The following TTC23L variants were observed in gnomAD, a reference collection of about 807,000 sequenced individuals.
TTC23L encodes tetratricopeptide repeat protein 23-like.
Under a neutral mutation model 48.1 loss-of-function variants are expected in TTC23L, and 42 were observed. That is an observed-to-expected ratio of 0.87 (90% confidence interval 0.68 to 1.13). TTC23L has a LOEUF of 1.13. Among genes scored for constraint, TTC23L ranks in the 50% most tolerant of loss-of-function variants. The pLI is 0.00. For synonymous variants in TTC23L, 159 were observed against 157.2 expected, an observed-to-expected ratio of 1.01 and a Z score of -0.09; for missense variants, 391 against 421.0, an observed-to-expected ratio of 0.93 and a Z score of 0.62.
intron 8 of TTC23L, among the ~76,000 whole-genome samples, chr5:34,871,956 A>G (rs1761496508): frequency 6.6e-6 from 1 of 152,208 alleles, no homozygotes; most frequent in Admixed American, 6.5e-5. Context: ...CATTGTCCTA[A>G]CTGTAAGAGC....
At chr5:34,900,572 T>G (rs571403820), downstream of TTC23L, among the ~76,000 whole-genome samples, 5 of 152,286 alleles carry the variant, frequency 3.3e-5, no homozygotes, top group African/African-American at 1.2e-4. Flanking sequence ...AAGTTTACAT[T>G]GTCTGTTTAC....
intron 3 of TTC23L, 68 bp downstream of exon 3, chr5:34,845,741 C>A: frequency 1.4e-6 from 2 of 1,433,368 alleles, no homozygotes; most frequent in Non-Finnish European, 1.9e-6. Flanking sequence ...AGAAGCTTTG[C>A]CTTCGATGCA....
chr5:34,860,211 G>A (rs982389628), intron 4 of TTC23L, among the ~76,000 whole-genome samples: 1 of 151,938 alleles, frequency 6.6e-6, no homozygotes, highest in Admixed American at 6.6e-5. Flanking sequence ...TAACCATCCT[G>A]TATCCACCCA....
chr5:34,845,837 C>T lies in TTC23L; in HGVS notation c.255+164C>T, dbSNP rs1405549115. 34 of 678,810 alleles carry T rather than the reference C, an allele frequency of 5.0e-5. 1 individual carries two copies. In the East Asian group the frequency reaches 9.5e-4, roughly 19 times the overall value. The allele number at this position is 678,810 out of a possible 1,614,324, so 42.0% of individuals were successfully genotyped here. On this transcript the variant is annotated intron_variant, in intron 3 of 10. Transcript: ENST00000505624. ...GCAGAGCCTACTTAGGTAGCCAGCCCACCTTCTGGTTCCATGCATGGTTCA... is the reference window on the plus strand; with the variant it reads ...GCAGAGCCTACTTAGGTAGCCAGCCTACCTTCTGGTTCCATGCATGGTTCA...
chr5:34,913,745 C>T, the TTC23L span: 2 of 584,772 alleles, frequency 3.4e-6, no homozygotes, highest in Non-Finnish European at 6.1e-6. Flanking sequence ...TTTGAAGCAT[C>T]CTTATCTCCA....
intron 10 of TTC23L, among the ~76,000 whole-genome samples, chr5:34,898,122 G>T (rs1763343714): frequency 6.6e-6 from 1 of 152,186 alleles, no homozygotes; most frequent in Non-Finnish European, 1.5e-5. Flanking sequence ...TATGTAAAGT[G>T]CTTAGCAGAG....
At chr5:34,862,793 T>C (rs1760775111) in intron 4 of TTC23L, 105 bp from the exon 5 acceptor site, 4 of 1,337,114 alleles carry the variant, frequency 3.0e-6, no homozygotes, top group Non-Finnish European at 4.1e-6. Context: ...CTATAGACCA[T>C]ACGACAACTG....
chr5:34,903,096 A>ATT, downstream of TTC23L, among the ~76,000 whole-genome samples: 1 of 152,328 alleles, frequency 6.6e-6, no homozygotes, highest in East Asian at 1.9e-4. Context: ...AAACAGTAGC[A>ATT]TAACACTGTG....
At chr5:34,871,710 ATCTC>A (rs1561142463) in intron 8 of TTC23L, among the ~76,000 whole-genome samples, 3 of 152,314 alleles carry the variant, frequency 2.0e-5, no homozygotes, top group African/African-American at 7.2e-5. Flanking sequence ...CTAATAACAT[ATCTC>A]TCTATAATCA....
At chr5:34,917,243 T>C in the TTC23L span, among the ~76,000 whole-genome samples, 1 of 152,230 alleles carries the variant, frequency 6.6e-6, no homozygotes, top group Non-Finnish European at 1.5e-5. Flanking sequence ...GCAATAATGA[T>C]GTAGACGTGA....
chr5:34,911,530 TATAACTGC>T, the TTC23L span: 1 of 1,611,898 alleles, frequency 6.2e-7, no homozygotes, highest in Non-Finnish European at 8.5e-7. Context: ...CCACATTAAC[TATAACTGC>T]ACTGCTCTCA....
intron 6 of TTC23L, among the ~76,000 whole-genome samples, chr5:34,865,961 A>T (rs1336622837): frequency 6.6e-6 from 1 of 152,252 alleles, no homozygotes; most frequent in Non-Finnish European, 1.5e-5. Context: ...ATTATTCTTC[A>T]CAACAAACTT....
chr5:34,858,727 C>T (rs1353412841), intron 4 of TTC23L, among the ~76,000 whole-genome samples: 7 of 151,958 alleles, frequency 4.6e-5, no homozygotes, highest in East Asian at 1.9e-4. Flanking sequence ...CACACTCTTA[C>T]GGCATCTTGC....
chr5:34,911,531 A>G, the TTC23L span: 13 of 1,611,890 alleles, frequency 8.1e-6, no homozygotes, highest in South Asian at 1.1e-5. Context: ...CACATTAACT[A>G]TAACTGCACT....
At chr5:34,859,840 C>A (rs74818680) in intron 4 of TTC23L, among the ~76,000 whole-genome samples, 1 of 95,364 alleles carries the variant, frequency 1.0e-5, no homozygotes, top group Non-Finnish European at 2.1e-5. Flanking sequence ...TTTTCTTCTT[C>A]TTTTTTTTTT....
intron 4 of TTC23L, among the ~76,000 whole-genome samples, chr5:34,858,035 C>T (rs1322629859): frequency 1.3e-5 from 2 of 152,192 alleles, no homozygotes; most frequent in Admixed American, 1.3e-4. Flanking sequence ...AGAATCCCAA[C>T]CCAAACTAAA....
intron 2 of TTC23L, among the ~76,000 whole-genome samples, chr5:34,844,272 A>G (rs1167463478): frequency 6.6e-6 from 1 of 151,876 alleles, no homozygotes; most frequent in East Asian, 1.9e-4. Context: ...GCCTCAAGAA[A>G]TGTTGCTTCC....
chr5:34,897,277 C>T (rs940009344), intron 10 of TTC23L, among the ~76,000 whole-genome samples: 9 of 151,730 alleles, frequency 5.9e-5, no homozygotes, highest in Admixed American at 1.3e-4. Context: ...CCCAGTTACT[C>T]GGGAGGCTGA....
rs554862453 is a variant in TTC23L, at chr5:34,840,756, T to G, written c.68+17T>G. 20 of 1,610,940 alleles carry G rather than the reference T, an allele frequency of 1.2e-5. No individual in the cohort carries two copies. The highest frequency in any genetic ancestry group is 8.5e-7 in the Non-Finnish European group (1 of 1,177,156). Reference sequence around the variant, plus strand: ...CTTCCATATGTAAGTATCACAGCATTTTGACATCACAGGTACTTACTGGGC... The same window carrying G: ...CTTCCATATGTAAGTATCACAGCATGTTGACATCACAGGTACTTACTGGGC... On this transcript the variant is annotated intron_variant, in intron 2 of 10. Transcript: ENST00000505624.
Sources: gnomAD v4.1 joint callset for allele counts (sites outside exome capture counted in the v4.1 genomes callset) on GRCh38, gnomAD v4.1.1 for gene constraint, MANE v1.5 for transcripts, NCBI Gene and HGNC (gene_info 2026-07-23, HGNC 2026-07-21) for gene names.